SLC38A4: variants seen among roughly 807,000 people sequenced by gnomAD.
SLC38A4 encodes solute carrier family 38 member 4, also known as sodium-coupled neutral amino acid transporter 4.
SLC38A4 carries 20 observed loss-of-function variants against 63.1 expected under a neutral mutation model. The observed-to-expected ratio is 0.32, with a 90% CI of 0.22 to 0.46. SLC38A4 has a LOEUF of 0.46. SLC38A4 is among the 20% of genes least tolerant of loss of function. The pLI is 1.00. For missense variants in SLC38A4, 526 were observed against 663.6 expected, an observed-to-expected ratio of 0.79 and a Z score of 2.28; for synonymous variants, 230 against 225.5, an observed-to-expected ratio of 1.02 and a Z score of -0.18.
In SLC38A4 at chr12:46,775,154, T is replaced by C. The variant is rs1467290798; in HGVS notation, c.1194A>G (p.Leu398=). Residue 398 remains leucine, a synonymous_variant, in exon 14 of 17, where the codon TTA becomes TTG. Transcript: ENST00000266579. ...LTFYGEVEDE[L]LHAYSKVYTL... is the part of the protein sequence containing the mutation. ...TATACACTTTGCTGTAGGCATGAAG[T>C]AATTCATCTTCAACTTCTCCTACAA... The C allele has an allele frequency of 6.2e-7, 1 of 1,611,660 alleles. No individual in the cohort carries two copies. The highest frequency in any genetic ancestry group is 1.3e-5 in the African/African-American group (1 of 74,784).
intron 13 of SLC38A4, among the ~76,000 whole-genome samples, chr12:46,776,578 A>G (rs920008887): frequency 6.6e-6 from 1 of 152,048 alleles, no homozygotes; most frequent in Non-Finnish European, 1.5e-5. Context: ...ATGCAAGTGG[A>G]TTCATTCTCA....
At chr12:46,772,989 C>A (rs1017743402) in intron 14 of SLC38A4, among the ~76,000 whole-genome samples, 1 of 151,874 alleles carries the variant, frequency 6.6e-6, no homozygotes, top group Admixed American at 6.6e-5. Context: ...CTAAGTTATA[C>A]GAAATAAACA....
intron 2 of SLC38A4, among the ~76,000 whole-genome samples, chr12:46,797,949 C>T (rs1939051577): frequency 6.6e-6 from 1 of 152,068 alleles, no homozygotes; most frequent in Non-Finnish European, 1.5e-5. Flanking sequence ...TCTTTCTTAC[C>T]CTCCACATCC....
chr12:46,812,991 A>G (rs530056383), intron 1 of SLC38A4, among the ~76,000 whole-genome samples: 64 of 152,038 alleles, frequency 4.2e-4, no homozygotes, highest in African/African-American at 1.5e-3. Flanking sequence ...CCTGTTTTTA[A>G]TCAATTAGTC....
chr12:46,773,987 C>T (rs2120753684), intron 14 of SLC38A4, among the ~76,000 whole-genome samples: 1 of 152,130 alleles, frequency 6.6e-6, no homozygotes, highest in Admixed American at 6.6e-5. Flanking sequence ...CGTATACCTT[C>T]TGTTTATAGT....
At chr12:46,818,354 C>T (rs536778650) in intron 1 of SLC38A4, among the ~76,000 whole-genome samples, 78 of 151,794 alleles carry the variant, frequency 5.1e-4, no homozygotes, top group African/African-American at 1.8e-3. Flanking sequence ...AAACCAGTTC[C>T]CTATTTTATT....
intron 1 of SLC38A4, among the ~76,000 whole-genome samples, chr12:46,817,967 T>C (rs1359639542): frequency 1.3e-5 from 2 of 151,968 alleles, no homozygotes; most frequent in African/African-American, 4.8e-5. Flanking sequence ...TGAGTAAACA[T>C]AAAGTGTTAA....
Position 46,766,664 on chromosome 12 carries a change from C to A in SLC38A4, c.*37G>T. 7.7e-7 allele frequency: 1 copy of A among 1,298,542 alleles called. No individual in the cohort carries two copies. The highest frequency in any genetic ancestry group is 1.1e-6 in the Non-Finnish European group (1 of 900,268). 80.4% of individuals were successfully genotyped at this position (1,298,542 alleles called of 1,614,324 possible). On this transcript the variant is annotated 3_prime_UTR_variant, in exon 17 of 17. Transcript: ENST00000266579. ...ATATCTTTTGGAGTATAACTTGTAACCATTTCCAATAGAAAAAGAAAGTAT... is the reference window on the plus strand; with the variant it reads ...ATATCTTTTGGAGTATAACTTGTAAACATTTCCAATAGAAAAAGAAAGTAT...
In SLC38A4 at chr12:46,766,257, T is replaced by C. The variant is rs1212330727; in HGVS notation, c.*444A>G. The C allele has an allele frequency of 2.5e-6, 1 of 402,770 alleles. No homozygotes were observed. Among genetic ancestry groups the C allele is most frequent in the East Asian group, 7.2e-5 (1 of 13,936 alleles). 24.9% of individuals were successfully genotyped at this position (402,770 alleles called of 1,614,324 possible). On this transcript the variant is annotated 3_prime_UTR_variant, in exon 17 of 17. Coordinates refer to ENST00000266579, the MANE Select transcript of SLC38A4 (RefSeq NM_018018.5). Reference sequence around the variant, plus strand: ...CAGACCAGAGACTTTGGTGCAAGACTGAGAGAAGACATTAAATGGTGATAG... The same window carrying C: ...CAGACCAGAGACTTTGGTGCAAGACCGAGAGAAGACATTAAATGGTGATAG...
At chr12:46,778,428 C>T (rs1938572941) in intron 11 of SLC38A4, 60 bp from the exon 12 acceptor site, 1 of 1,610,214 alleles carries the variant, frequency 6.2e-7, no homozygotes, top group Non-Finnish European at 8.5e-7. Flanking sequence ...GATCTCAGGC[C>T]ATCTCAGTTT....
chr12:46,782,533 C>A (rs531135308), intron 7 of SLC38A4, among the ~76,000 whole-genome samples: 2 of 151,908 alleles, frequency 1.3e-5, no homozygotes. Context: ...GTAGTTATTT[C>A]TGAGGATGAC....
At chr12:46,796,541 G>T (rs1007435024) in intron 2 of SLC38A4, among the ~76,000 whole-genome samples, 1 of 152,106 alleles carries the variant, frequency 6.6e-6, no homozygotes, top group African/African-American at 2.4e-5. Flanking sequence ...TTTCACTGAT[G>T]GGCTGCTCCC....
Position 46,778,352 on chromosome 12 carries a change from G to C in SLC38A4, c.1010C>G (p.Pro337Arg). Residue 337 changes from proline to arginine, a missense_variant, in exon 12 of 17, where the codon CCT becomes CGT. Coordinates refer to ENST00000266579, the MANE Select transcript of SLC38A4 (RefSeq NM_018018.5). The stretch of plus-strand genomic sequence containing the variant: ...GCATACAAAAGCAAATACTAGGATA[G>C]GAATTGCATAGGCCGTCTGAAAAAC... ...VFNSRTAYAI[P>R]ILVFAFVCHP... 5 of 1,612,694 alleles carry C rather than the reference G, an allele frequency of 3.1e-6. No individual in the cohort carries two copies. Among genetic ancestry groups the C allele is most frequent in the Non-Finnish European group, 4.2e-6 (5 of 1,179,164 alleles).
chr12:46,770,509 T>C (rs1235124344), intron 14 of SLC38A4, among the ~76,000 whole-genome samples: 2 of 152,034 alleles, frequency 1.3e-5, no homozygotes, highest in Non-Finnish European at 1.5e-5. Context: ...ATAGTAGGAA[T>C]CTTATCCTTC....
upstream of SLC38A4, among the ~76,000 whole-genome samples, chr12:46,826,188 T>C (rs1939650059): frequency 6.6e-6 from 1 of 152,234 alleles, no homozygotes; most frequent in Admixed American, 6.5e-5. Context: ...GTGTACCCAG[T>C]GTTATTAAAT....
chr12:46,769,449 G>C, intron 14 of SLC38A4, 21 bp from the exon 15 acceptor site: 3 of 1,604,196 alleles, frequency 1.9e-6, no homozygotes, highest in Non-Finnish European at 2.6e-6. Flanking sequence ...AAAGTTCAAA[G>C]GCAAGATCAT....
intron 14 of SLC38A4, among the ~76,000 whole-genome samples, chr12:46,773,912 A>G (rs1400474026): frequency 6.6e-6 from 1 of 152,102 alleles, no homozygotes; most frequent in Non-Finnish European, 1.5e-5. Flanking sequence ...TTTTTTACAC[A>G]TAAAAAGAAG....
rs1465971384 is a variant in SLC38A4 at position 46,788,514 on chromosome 12, A to G, written c.210+14T>C. 1 of 1,606,046 alleles carries G rather than the reference A, an allele frequency of 6.2e-7. No individual in the cohort carries two copies. On this transcript the variant is annotated intron_variant, in intron 4 of 16. Coordinates refer to ENST00000266579, the MANE Select transcript of SLC38A4 (RefSeq NM_018018.5). ...TCAGTCCCGTTTATTGCCTGAAAGCATAGATTCACTTACGTGTTCATCAGC... is the reference window on the plus strand; with the variant it reads ...TCAGTCCCGTTTATTGCCTGAAAGCGTAGATTCACTTACGTGTTCATCAGC...
intron 1 of SLC38A4, among the ~76,000 whole-genome samples, chr12:46,811,719 A>G (rs1198316610): frequency 6.6e-6 from 1 of 152,046 alleles, no homozygotes; most frequent in East Asian, 1.9e-4. Flanking sequence ...CCTGGGTAGC[A>G]TGAGGCAATC....
Sources: allele counts gnomAD v4.1 joint callset (sites outside exome capture counted in the v4.1 genomes callset), GRCh38; gene constraint gnomAD v4.1.1; transcripts MANE v1.5; gene names NCBI Gene and HGNC (gene_info 2026-07-23, HGNC 2026-07-21).